SEMA4G: variants seen among roughly 807,000 people sequenced by gnomAD.
SEMA4G encodes the protein semaphorin 4G.
SEMA4G carries 59 observed loss-of-function variants against 81.2 expected under a neutral mutation model. That is an observed-to-expected ratio of 0.73 (90% CI 0.59 to 0.90). The LOEUF (loss-of-function observed/expected upper bound fraction) is 0.90. Ranked by LOEUF, SEMA4G falls within the 40% of genes least tolerant of loss-of-function variation. The pLI is 0.00. For missense variants in SEMA4G, 952 were observed against 1,102.3 expected (o/e 0.86, Z 1.93); for synonymous variants, 404 against 433.9 (o/e 0.93, Z 0.86).
downstream of SEMA4G, chr10:100,984,866 C>G (rs1471688492): frequency 6.7e-7 from 1 of 1,489,592 alleles, no homozygotes; most frequent in South Asian, 1.3e-5. Context: ...AGCCTCCCCA[C>G]TCTCCTTGGT....
intron 8 of SEMA4G, 100 bp from the exon 10 acceptor site, chr10:100,979,748 G>A (rs1850967063): frequency 1.5e-6 from 2 of 1,372,850 alleles, no homozygotes; most frequent in East Asian, 2.3e-5. Context: ...GACTATAGCT[G>A]GGGTTGGCCA....
intron 3 of SEMA4G, chr10:100,975,097 G>C: frequency 1.9e-6 from 1 of 517,326 alleles, no homozygotes; most frequent in South Asian, 1.5e-5. Context: ...ATGGGGCTGG[G>C]GAGGCAGATG....
chr10:100,980,866 A>T, exon 12 of SEMA4G: 1 of 1,605,430 alleles, frequency 6.2e-7, no homozygotes, highest in Non-Finnish European at 8.5e-7. Context: ...TCCAGCTACC[A>T]CTCTCCAGCT....
intron 5 of SEMA4G, 23 bp from the exon 7 acceptor site, chr10:100,978,504 T>G: frequency 6.2e-7 from 1 of 1,608,568 alleles, no homozygotes; most frequent in Non-Finnish European, 8.5e-7. Flanking sequence ...ATGTCTCTCA[T>G]GCCTGGAATA....
exon 14 of SEMA4G, chr10:100,984,499 T>C (rs761133475): frequency 6.5e-7 from 1 of 1,535,156 alleles, no homozygotes; most frequent in South Asian, 1.2e-5. Context: ...GGCAGGGCTC[T>C]GCAGGTCCAT....
chr10:100,969,571 G>A (rs1589975902), upstream of SEMA4G: 2 of 213,740 alleles, frequency 9.4e-6, no homozygotes, highest in East Asian at 3.3e-4. Context: ...TGTCTCTATG[G>A]CCCCGGATCC....
chr10:100,970,008 A>T (rs527942572), upstream of SEMA4G: 193 of 418,740 alleles, frequency 4.6e-4, 1 homozygote, highest in South Asian at 3.0e-3. Context: ...CTCTCAAGCC[A>T]GGAGAGACCG....
At chr10:100,981,561 GT>G in intron 13 of SEMA4G, 1 of 1,613,482 alleles carries the variant, frequency 6.2e-7, no homozygotes, top group Non-Finnish European at 8.5e-7. Context: ...AAGAACAAAA[GT>G]TAATCATCAC....
At chr10:100,977,689 G>A (rs376189318) in exon 4 of SEMA4G, 2 of 1,614,092 alleles carry the variant, frequency 1.2e-6, no homozygotes, top group Non-Finnish European at 8.5e-7. Flanking sequence ...CCACCTCTAT[G>A]CATGTGGGAC....
At chr10:100,984,722 G>A in exon 14 of SEMA4G, 1 of 1,536,112 alleles carries the variant, frequency 6.5e-7, no homozygotes, top group South Asian at 1.2e-5. Context: ...CCTCCCAATT[G>A]CCACATCCTA....
Position 100,977,012 on chromosome 10 carries a change from G to A in SEMA4G, c.337-620G>A, listed in dbSNP as rs531404862. Among the ~76,000 whole-genome samples, 22 of 152,286 alleles carry A rather than the reference G, an allele frequency of 1.4e-4. No individual in the cohort carries two copies. The South Asian group carries it at 3.7e-3, about 26-fold the overall frequency. ...CTTTTAGGACAATGAATTAATTGTG[G>A]AGAGGGACTGAATGTGGGGGTGAGG... On this transcript the variant is annotated intron_variant, in intron 3 of 13. Coordinates refer to ENST00000370250, the Ensembl canonical transcript of SEMA4G.
chr10:100,979,278 G>A lies in SEMA4G; in HGVS notation c.983+7G>A, dbSNP rs1850938712. The A allele has an allele frequency of 1.2e-6, 2 of 1,614,212 alleles. No homozygotes were observed. The highest frequency in any genetic ancestry group is 1.7e-6 in the Non-Finnish European group (2 of 1,180,044). On this transcript the variant is annotated splice_region_variant and intron_variant, in intron 8 of 13. Coordinates refer to ENST00000370250, the Ensembl canonical transcript of SEMA4G. Reference sequence around the variant, plus strand: ...TCACGCTGAGCACACAGTGGTCAGTGCAGGGACAATCGGGAGGCAAGAAAC... The same window carrying A: ...TCACGCTGAGCACACAGTGGTCAGTACAGGGACAATCGGGAGGCAAGAAAC...
chr10:100,974,552 G>C (rs1850724413), intron 3 of SEMA4G, among the ~76,000 whole-genome samples: 1 of 152,136 alleles, frequency 6.6e-6, no homozygotes, highest in Non-Finnish European at 1.5e-5. Flanking sequence ...ATAATAAATT[G>C]AACCATTGTT....
exon 8 of SEMA4G, chr10:100,979,183 T>A (rs780858350): frequency 6.2e-7 from 1 of 1,614,186 alleles, no homozygotes; most frequent in Non-Finnish European, 8.5e-7. Flanking sequence ...CATTCCACTG[T>A]ATGAGACACT....
chr10:100,978,586 A>G (rs1375680753), exon 6 of SEMA4G: 1 of 1,613,950 alleles, frequency 6.2e-7, no homozygotes, highest in Non-Finnish European at 8.5e-7. Context: ...CATCCGCCGG[A>G]GCCGCCACCC....
At chr10:100,979,723 G>C in intron 8 of SEMA4G, 125 bp from the exon 10 acceptor site, 2 of 1,101,906 alleles carry the variant, frequency 1.8e-6, no homozygotes, top group Non-Finnish European at 2.7e-6. Flanking sequence ...CTGACTCACA[G>C]GAGAGGCCCT....
rs200303442 is a variant in SEMA4G at position 100,973,775 on chromosome 10, ATTTTTT to A, written c.336+174_336+179del. 6.9e-6 allele frequency among the ~76,000 whole-genome samples: 1 copy of A among 145,558 alleles called. No individual in the cohort carries two copies. Among genetic ancestry groups the A allele is most frequent in the African/African-American group, 2.5e-5 (1 of 39,806 alleles). On this transcript the variant is annotated intron_variant, in intron 3 of 13. Coordinates refer to ENST00000370250, the Ensembl canonical transcript of SEMA4G. This position sits in a 1 kb window ranked among gnomAD's most constrained non-coding sequence, Gnocchi z 5.5. ...CAGAGTGGCAAGCCATGGGCACAGC[ATTTTTT>A]TTTTTTTCTTTTTTTGAGGTCGGAT... is the stretch of plus-strand genomic sequence containing the variant.
chr10:100,981,143 C>G (rs1305489737), intron 12 of SEMA4G, 25 bp from the exon 14 acceptor site: 1 of 1,613,890 alleles, frequency 6.2e-7, no homozygotes, highest in African/African-American at 1.3e-5. Context: ...TCCCCTTGTT[C>G]ATAAAACCTG....
upstream of SEMA4G, chr10:100,969,644 G>A (rs913475123): frequency 1.2e-5 from 4 of 327,348 alleles, no homozygotes; most frequent in African/African-American, 6.6e-5. Flanking sequence ...TGGGGCTGCG[G>A]GCCGGGGGTC....
Sources: gnomAD v4.1 joint callset for allele counts (sites outside exome capture counted in the v4.1 genomes callset) on GRCh38, gnomAD v4.1.1 for gene constraint, Gnocchi (gnomAD v3.1) non-coding constraint, MANE v1.5 for transcripts, NCBI Gene and HGNC (gene_info 2026-07-23, HGNC 2026-07-21) for gene names.